The following IGSF11 variants were observed in gnomAD, a reference collection of about 807,000 sequenced individuals.
IGSF11 encodes the protein immunoglobulin superfamily member 11.
In IGSF11, 22 loss-of-function variants were observed where a neutral mutation model predicts 41.0. That is an observed-to-expected ratio of 0.54 (90% CI 0.38 to 0.77). IGSF11 has a LOEUF of 0.77. IGSF11 is among the 30% of genes least tolerant of loss of function. IGSF11 has a pLI of 0.00. For missense variants in IGSF11, 444 were observed against 530.8 expected (o/e 0.84, Z 1.61); for synonymous variants, 219 against 201.3 (o/e 1.09, Z -0.74).
intron 1 of IGSF11, chr3:118,947,661 C>T (rs1393853057): frequency 1.3e-5 from 2 of 152,152 alleles, no homozygotes; most frequent in Non-Finnish European, 2.9e-5. Flanking sequence ...TGATAAAGAA[C>T]ACACCTTTGT....
intron 1 of IGSF11, among the ~76,000 whole-genome samples, chr3:119,092,715 C>T (rs1376484287): frequency 6.6e-6 from 1 of 152,194 alleles, no homozygotes; most frequent in Non-Finnish European, 1.5e-5. Flanking sequence ...CTAACTTACC[C>T]AGAGCAACTT....
chr3:118,996,628 C>T (rs1235430483), intron 1 of IGSF11, among the ~76,000 whole-genome samples: 2 of 151,154 alleles, frequency 1.3e-5, no homozygotes, highest in Admixed American at 1.3e-4. Flanking sequence ...TTTTTTGAGT[C>T]TCGCTCTGTC....
upstream of IGSF11, among the ~76,000 whole-genome samples, chr3:119,107,906 G>T (rs200894577): frequency 6.0e-4 from 66 of 109,204 alleles, no homozygotes; most frequent in Non-Finnish European, 1.8e-4. Flanking sequence ...GTAGATATGC[G>T]GCGTTATTTC....
chr3:118,921,138 C>G (rs960875828), intron 4 of IGSF11, among the ~76,000 whole-genome samples: 4 of 152,156 alleles, frequency 2.6e-5, no homozygotes. Context: ...TCTGTCTTAC[C>G]CTGATCTAAT....
chr3:119,093,848 G>A (rs1330677999), intron 1 of IGSF11, among the ~76,000 whole-genome samples: 2 of 152,062 alleles, frequency 1.3e-5, no homozygotes, highest in Non-Finnish European at 2.9e-5. Flanking sequence ...CCAAAAGAAG[G>A]CTTAACTTGA....
At chr3:119,132,378 C>CAAAAAAAAAA (rs58700219) in intron 1 of IGSF11, among the ~76,000 whole-genome samples, 3 of 39,784 alleles carry the variant, frequency 7.5e-5, no homozygotes, top group African/African-American at 1.1e-4. Context: ...AAACAGAAAG[C>CAAAAAAAAAA]AAAAAAAAAA....
intron 4 of IGSF11, among the ~76,000 whole-genome samples, chr3:118,910,390 G>A (rs1186718672): frequency 3.3e-5 from 5 of 151,964 alleles, no homozygotes; most frequent in Non-Finnish European, 1.5e-5. Context: ...ACATCTAATC[G>A]AGCCCCATAT....
chr3:118,948,153 T>C (rs1944298459), intron 1 of IGSF11: 2 of 152,208 alleles, frequency 1.3e-5, no homozygotes, highest in Non-Finnish European at 2.9e-5. Flanking sequence ...GTAAGGAATG[T>C]TACCAAAGAG....
chr3:118,967,712 T>G (rs1945781980), intron 1 of IGSF11, among the ~76,000 whole-genome samples: 1 of 152,220 alleles, frequency 6.6e-6, no homozygotes, highest in Non-Finnish European at 1.5e-5. Flanking sequence ...TAGTACCCTG[T>G]GCCTTTTCTT....
chr3:119,043,590 A>T (rs1941204140), intron 1 of IGSF11, among the ~76,000 whole-genome samples: 1 of 152,198 alleles, frequency 6.6e-6, no homozygotes, highest in African/African-American at 2.4e-5. Flanking sequence ...CTAGCATGCT[A>T]GCATAACAAC....
chr3:119,087,936 T>C lies in IGSF11; in HGVS notation c.49+17208A>G, dbSNP rs534689863. 6.6e-5 allele frequency among the ~76,000 whole-genome samples: 10 copies of C among 152,196 alleles called. 1 individual carries two copies. In the South Asian group the frequency reaches 2.1e-3, roughly 32 times the overall value. On this transcript the variant is annotated intron_variant, in intron 1 of 6. Transcript: ENST00000354673. ...CACCAAGATTCATAAAACAAGTTCT[T>C]CTTGGCATACAAAAGACTTAGGCAA...
intron 1 of IGSF11, among the ~76,000 whole-genome samples, chr3:119,003,602 T>C (rs1937137533): frequency 6.6e-6 from 1 of 151,244 alleles, no homozygotes; most frequent in Non-Finnish European, 1.5e-5. Context: ...TGTGGGTTTG[T>C]TATAGATAGC....
intron 1 of IGSF11, among the ~76,000 whole-genome samples, chr3:118,972,702 G>A (rs1300829271): frequency 6.6e-6 from 1 of 152,198 alleles, no homozygotes; most frequent in Non-Finnish European, 1.5e-5. Context: ...ATAGCTTAAA[G>A]CTTGGGAGGT....
chr3:118,944,532 T>C (rs1359964581), intron 1 of IGSF11, among the ~76,000 whole-genome samples: 1 of 149,900 alleles, frequency 6.7e-6, no homozygotes, highest in Non-Finnish European at 1.5e-5. Context: ...CTACCCATCC[T>C]TCAGATTTCA....
intron 1 of IGSF11, among the ~76,000 whole-genome samples, chr3:119,069,298 G>A (rs1942330981): frequency 6.6e-6 from 1 of 151,990 alleles, no homozygotes; most frequent in Non-Finnish European, 1.5e-5. Context: ...AGGTTGGGTT[G>A]GTAATTAGAC....
At chr3:119,048,526 G>C (rs1388873758) in intron 1 of IGSF11, among the ~76,000 whole-genome samples, 4 of 152,128 alleles carry the variant, frequency 2.6e-5, no homozygotes, top group Admixed American at 2.6e-4. Context: ...ACCAAAAAGA[G>C]TCCAAGACCA....
At chr3:119,047,897 A>G (rs531604963) in intron 1 of IGSF11, among the ~76,000 whole-genome samples, 39 of 152,328 alleles carry the variant, frequency 2.6e-4, no homozygotes, top group Middle Eastern at 3.4e-3. Context: ...CTGAATGACT[A>G]CTGCGTACAT....
chr3:118,946,446 T>TAAA (rs151177743), intron 1 of IGSF11, among the ~76,000 whole-genome samples: 19 of 143,402 alleles, frequency 1.3e-4, no homozygotes, highest in Admixed American at 6.2e-4. Context: ...CTATTTTACT[T>TAAA]AAAAAAAAAA....
At chr3:119,016,771 C>T (rs139683126) in intron 1 of IGSF11, among the ~76,000 whole-genome samples, 10 of 152,264 alleles carry the variant, frequency 6.6e-5, no homozygotes, top group African/African-American at 2.2e-4. Context: ...CTCCTCCCTC[C>T]CCAGTCTTGT....
Sources: gnomAD v4.1 joint callset for allele counts (sites outside exome capture counted in the v4.1 genomes callset) on GRCh38, gnomAD v4.1.1 for gene constraint, MANE v1.5 for transcripts, NCBI Gene and HGNC (gene_info 2026-07-23, HGNC 2026-07-21) for gene names.